Variants in VAV3 observed in about 807,000 individuals in gnomAD.
VAV3 encodes vav guanine nucleotide exchange factor 3, also known as guanine nucleotide exchange factor VAV3.
Under a neutral mutation model 131.2 loss-of-function variants are expected in VAV3, and 94 were observed. That is an observed-to-expected ratio of 0.72 (90% CI 0.61 to 0.85). The LOEUF (loss-of-function observed/expected upper bound fraction) is 0.85, where lower values mean the gene tolerates loss of function less well. Ranked by LOEUF, VAV3 falls within the 40% of genes least tolerant of loss-of-function variation. VAV3 has a pLI of 0.00. For missense variants in VAV3, 939 were observed against 1,002.7 expected (o/e 0.94, Z 0.86); for synonymous variants, 349 against 342.0 (o/e 1.02, Z -0.22).
rs148590669 is a variant in VAV3, at chr1:107,744,342, G to A, written c.1502+4626C>T. Among the ~76,000 whole-genome samples the A allele has an allele frequency of 3.4e-3, 525 of 152,272 alleles. 2 individuals are homozygous for A. Among genetic ancestry groups the A allele is most frequent in the African/African-American group, 0.012 (504 of 41,536 alleles). Reference sequence around the variant, plus strand: ...CTTATTACACAGTCGAGAAATCTTAGATATTCACAGTAGTGATGGCATATG... The same window carrying A: ...CTTATTACACAGTCGAGAAATCTTAAATATTCACAGTAGTGATGGCATATG... On this transcript the variant is annotated intron_variant, in intron 15 of 26. Transcript: ENST00000370056.
intron 2 of VAV3, among the ~76,000 whole-genome samples, chr1:107,812,588 T>G (rs966199969): frequency 2.0e-5 from 3 of 152,086 alleles, no homozygotes; most frequent in Non-Finnish European, 4.4e-5. Context: ...GTGAATAATG[T>G]ATAGTGCTCA....
chr1:107,859,074 T>TC (rs1491562563), intron 2 of VAV3, among the ~76,000 whole-genome samples: 2 of 66,074 alleles, frequency 3.0e-5, no homozygotes, highest in East Asian at 4.4e-4. Flanking sequence ...TCTTGAGGAG[T>TC]TTTTTTTTTT....
intron 2 of VAV3, among the ~76,000 whole-genome samples, chr1:107,827,250 G>A (rs17020141): frequency 0.093 from 14,096 of 152,116 alleles, 828 homozygotes; most frequent in East Asian, 0.25. Context: ...GAATGGAAAG[G>A]ACAGCACTAT....
intron 22 of VAV3, among the ~76,000 whole-genome samples, chr1:107,603,500 C>T (rs1652024894): frequency 1.3e-5 from 2 of 152,078 alleles, no homozygotes; most frequent in Admixed American, 1.3e-4. Flanking sequence ...TAGGGAGAAA[C>T]TGCCCTGTAT....
At chr1:107,584,889 A>C (rs1650362484) in intron 25 of VAV3, among the ~76,000 whole-genome samples, 1 of 152,208 alleles carries the variant, frequency 6.6e-6, no homozygotes. Flanking sequence ...TTAATTCTAA[A>C]TCTATATTTA....
At chr1:107,856,467 G>A (rs1669474330) in intron 2 of VAV3, among the ~76,000 whole-genome samples, 1 of 151,854 alleles carries the variant, frequency 6.6e-6, no homozygotes, top group South Asian at 2.1e-4. Context: ...TATCCAATAT[G>A]CTGATTTACT....
At chr1:107,609,840 G>T in intron 22 of VAV3, 91 bp downstream of exon 22, 2 of 1,280,968 alleles carry the variant, frequency 1.6e-6, no homozygotes, top group Non-Finnish European at 1.1e-6. Flanking sequence ...AAATGGAAAT[G>T]GAATATGGTT....
chr1:107,653,548 C>T (rs11185158), intron 19 of VAV3, among the ~76,000 whole-genome samples: 33,218 of 151,780 alleles, frequency 0.22, 3,703 homozygotes, highest in Middle Eastern at 0.28. Flanking sequence ...AGGTTTAGTC[C>T]CTCCCTTATT....
At chr1:107,753,081 G>T (rs1663836173) in intron 12 of VAV3, among the ~76,000 whole-genome samples, 1 of 151,892 alleles carries the variant, frequency 6.6e-6, no homozygotes, top group Non-Finnish European at 1.5e-5. Flanking sequence ...AAACAGTGAG[G>T]TATTTATATA....
chr1:107,712,517 A>C (rs1225391991), intron 15 of VAV3, among the ~76,000 whole-genome samples: 1 of 152,246 alleles, frequency 6.6e-6, no homozygotes, highest in Non-Finnish European at 1.5e-5. Flanking sequence ...AAATGTTTTT[A>C]GAAGTATAGT....
intron 2 of VAV3, among the ~76,000 whole-genome samples, chr1:107,807,554 T>G (rs76965144): frequency 6.6e-6 from 1 of 152,238 alleles, no homozygotes; most frequent in Admixed American, 6.5e-5. Flanking sequence ...GCCACTGCAC[T>G]TGGCCTTGTG....
chr1:107,735,319 C>A (rs1662540044), intron 15 of VAV3, among the ~76,000 whole-genome samples: 1 of 152,030 alleles, frequency 6.6e-6, no homozygotes, highest in African/African-American at 2.4e-5. Context: ...AGAGCAAACA[C>A]ATTCAAAAGC....
At chr1:107,919,839 A>G (rs1031093226) in intron 1 of VAV3, among the ~76,000 whole-genome samples, 1 of 152,120 alleles carries the variant, frequency 6.6e-6, no homozygotes. Context: ...AATTAATTAA[A>G]GAAAAGAATC....
In VAV3 at chr1:107,596,350, A is replaced by G. The variant is rs376566658; in HGVS notation, c.2221-9T>C. On this transcript the variant is annotated splice_polypyrimidine_tract_variant and intron_variant, in intron 24 of 26. Coordinates refer to ENST00000370056, the MANE Select transcript of VAV3 (RefSeq NM_006113.5). ...TAGTACTCCACAAGTTCCTTTGGAA[A>G]AAAGAATCCAACATATTTTTGATAA... The G allele has an allele frequency of 8.4e-5, 135 of 1,610,284 alleles. No homozygotes were observed. The highest frequency in any genetic ancestry group is 1.1e-4 in the Non-Finnish European group (135 of 1,178,466).
At chr1:107,862,208 C>T (rs1334579912) in intron 2 of VAV3, among the ~76,000 whole-genome samples, 2 of 151,450 alleles carry the variant, frequency 1.3e-5, no homozygotes, top group South Asian at 2.1e-4. Context: ...CCTGCGCAGC[C>T]GGACTCCACA....
intron 20 of VAV3, among the ~76,000 whole-genome samples, chr1:107,641,993 GT>G (rs1454910393): frequency 6.6e-6 from 1 of 152,104 alleles, no homozygotes; most frequent in East Asian, 1.9e-4. Context: ...AAAGCATGCA[GT>G]TTCTAAAGAC....
chr1:107,583,466 A>G (rs1052679613), intron 25 of VAV3, among the ~76,000 whole-genome samples: 1 of 152,098 alleles, frequency 6.6e-6, no homozygotes, highest in Non-Finnish European at 1.5e-5. Flanking sequence ...AGGAAGTCAA[A>G]TTGTCCCTGT....
At position 107,642,716 on chromosome 1, in the gene VAV3, G is replaced by A; in HGVS notation, c.1817C>T (p.Thr606Ile). 6.2e-7 allele frequency: 1 copy of A among 1,613,476 alleles called. No individual in the cohort carries two copies. Among genetic ancestry groups the A allele is most frequent in the Non-Finnish European group, 8.5e-7 (1 of 1,179,648 alleles). ...TCCTTCATGCAGAGCTGGGGGTGGT[G>A]TTCCAGAATAGTTCCTAATGACCTG... Reference protein sequence around the residue: ...KMQVIRNYSGTPPPALHEGPP... With the variant: ...KMQVIRNYSGIPPPALHEGPP... Residue 606 changes from threonine (T) to isoleucine (I), a missense_variant, in exon 20 of 27, where the codon ACA (threonine) becomes ATA (isoleucine). Physicochemically the swap from Thr to Ile is moderately conservative, Grantham distance 89. Coordinates refer to ENST00000370056, the MANE Select transcript of VAV3 (RefSeq NM_006113.5).
intron 20 of VAV3, among the ~76,000 whole-genome samples, chr1:107,618,499 T>C (rs997879729): frequency 6.6e-6 from 1 of 152,194 alleles, no homozygotes; most frequent in African/African-American, 2.4e-5. Flanking sequence ...TTTTGGAGAA[T>C]AGGACTCTAT....
Sources: gnomAD v4.1 joint callset for allele counts (sites outside exome capture counted in the v4.1 genomes callset) on GRCh38, gnomAD v4.1.1 for gene constraint, MANE v1.5 for transcripts, NCBI Gene and HGNC (gene_info 2026-07-23, HGNC 2026-07-21) for gene names.